Variants in GRHL2 observed in about 807,000 individuals in gnomAD.
The protein encoded by GRHL2 is grainyhead like transcription factor 2, also known as grainyhead-like protein 2 homolog.
Under a neutral mutation model 83.8 loss-of-function variants are expected in GRHL2, and 21 were observed. The ratio of observed to expected loss-of-function variants is 0.25; its 90% CI spans 0.18 to 0.36. GRHL2 has a LOEUF of 0.36. Ranked by LOEUF, GRHL2 falls within the 10% of genes least tolerant of loss-of-function variation. GRHL2 has a pLI of 1.00. For missense variants in GRHL2, 623 were observed against 781.8 expected, an observed-to-expected ratio of 0.80 and a Z score of 2.42; for synonymous variants, 280 against 278.9, an observed-to-expected ratio of 1.00 and a Z score of -0.04.
downstream of GRHL2, among the ~76,000 whole-genome samples, chr8:101,674,030 C>A (rs954407503): frequency 7.3e-5 from 11 of 150,654 alleles, no homozygotes; most frequent in Non-Finnish European, 1.5e-4. Context: ...ACACAACATA[C>A]CAGAATCTCT....
At chr8:101,632,623 G>A (rs575494073) in intron 11 of GRHL2, among the ~76,000 whole-genome samples, 6 of 152,338 alleles carry the variant, frequency 3.9e-5, no homozygotes, top group Non-Finnish European at 7.3e-5. Context: ...AAGTGAGAAG[G>A]CTGATAACCT....
chr8:101,639,235 G>A (rs148908699), intron 12 of GRHL2, among the ~76,000 whole-genome samples: 2 of 152,314 alleles, frequency 1.3e-5, no homozygotes, highest in African/African-American at 4.8e-5. Flanking sequence ...GAGGCCCAAG[G>A]TCTGCATCTT....
chr8:101,558,930 G>T, intron 4 of GRHL2, 118 bp downstream of exon 4: 1 of 1,145,150 alleles, frequency 8.7e-7, no homozygotes, highest in Non-Finnish European at 1.3e-6. Context: ...GCTTCAATTA[G>T]TTTTTTAAAA....
intron 5 of GRHL2, among the ~76,000 whole-genome samples, chr8:101,572,104 G>A (rs547386133): frequency 1.8e-4 from 28 of 152,250 alleles, no homozygotes; most frequent in Non-Finnish European, 3.2e-4. Flanking sequence ...ATTAAAAATC[G>A]TTTATGTTCA....
At chr8:101,533,523 TAGCGGAGGTAGACACACAAGGA>T (rs1164616133) in intron 1 of GRHL2, among the ~76,000 whole-genome samples, 1 of 152,214 alleles carries the variant, frequency 6.6e-6, no homozygotes, top group Non-Finnish European at 1.5e-5. Flanking sequence ...ACTTAGGTTC[TAGCGGAGGTAGACACACAAGGA>T]ACATTGACCA....
At chr8:101,652,267 CATATTAT>C (rs1224367468) in intron 14 of GRHL2, among the ~76,000 whole-genome samples, 4 of 150,652 alleles carry the variant, frequency 2.7e-5, no homozygotes, top group Non-Finnish European at 5.9e-5. Context: ...CACAATATGA[CATATTAT>C]ATATCTATAT....
intron 2 of GRHL2, among the ~76,000 whole-genome samples, chr8:101,544,603 G>A (rs898693570): frequency 6.6e-6 from 1 of 152,100 alleles, no homozygotes. Flanking sequence ...AACACCTTTG[G>A]CTGATGCTGG....
chr8:101,638,085 T>A (rs573606414), intron 12 of GRHL2, among the ~76,000 whole-genome samples: 2 of 152,356 alleles, frequency 1.3e-5, no homozygotes, highest in Non-Finnish European at 2.9e-5. Flanking sequence ...TAGAACTACA[T>A]GCATTTTCAA....
downstream of GRHL2, among the ~76,000 whole-genome samples, chr8:101,671,098 C>T (rs1490065068): frequency 1.3e-5 from 2 of 152,200 alleles, no homozygotes; most frequent in Non-Finnish European, 2.9e-5. Context: ...ATGAGCAATG[C>T]AGACGACGGT....
chr8:101,605,682 A>G (rs1812619067), intron 8 of GRHL2, among the ~76,000 whole-genome samples: 2 of 152,204 alleles, frequency 1.3e-5, no homozygotes, highest in Non-Finnish European at 2.9e-5. Flanking sequence ...TCACCTGTCC[A>G]TATCGTGCAT....
At chr8:101,514,207 T>C (rs1385671167) in intron 1 of GRHL2, among the ~76,000 whole-genome samples, 1 of 152,208 alleles carries the variant, frequency 6.6e-6, no homozygotes, top group African/African-American at 2.4e-5. Context: ...CTTTTATGAA[T>C]ACTTGGCTAG....
intron 7 of GRHL2, among the ~76,000 whole-genome samples, chr8:101,581,861 A>G (rs1450439614): frequency 6.6e-6 from 1 of 152,206 alleles, no homozygotes; most frequent in Non-Finnish European, 1.5e-5. Context: ...AAGGATAACT[A>G]GGGCATGTGA....
intron 1 of GRHL2, among the ~76,000 whole-genome samples, chr8:101,505,341 G>A (rs1229251201): frequency 6.6e-6 from 1 of 152,142 alleles, no homozygotes; most frequent in Non-Finnish European, 1.5e-5. Flanking sequence ...ACTTAGGGAG[G>A]CCGAGGCGGG....
intron 1 of GRHL2, among the ~76,000 whole-genome samples, chr8:101,520,627 A>G (rs566242231): frequency 6.6e-6 from 1 of 152,260 alleles, no homozygotes; most frequent in East Asian, 1.9e-4. Context: ...AAAGAGTTTG[A>G]TCAAGATGTT....
intron 1 of GRHL2, among the ~76,000 whole-genome samples, chr8:101,519,184 GA>G (rs1320870276): frequency 6.6e-6 from 1 of 150,814 alleles, no homozygotes; most frequent in African/African-American, 2.4e-5. Context: ...TTTCTTCATT[GA>G]TTTTTTTTTT....
chr8:101,662,768 AAAGT>A (rs1813948601), intron 14 of GRHL2, among the ~76,000 whole-genome samples: 1 of 152,168 alleles, frequency 6.6e-6, no homozygotes, highest in Admixed American at 6.5e-5. Flanking sequence ...TTCAAAATAA[AAAGT>A]AAAAGGATCT....
intron 7 of GRHL2, among the ~76,000 whole-genome samples, chr8:101,597,093 G>A (rs1812406670): frequency 6.6e-6 from 1 of 152,160 alleles, no homozygotes; most frequent in Non-Finnish European, 1.5e-5. Context: ...AAAGTAGAGA[G>A]AAAAAGGGAA....
chr8:101,508,812 ACCAAGCTAAATGCAGAGACC>A (rs1810391106), intron 1 of GRHL2, among the ~76,000 whole-genome samples: 1 of 152,194 alleles, frequency 6.6e-6, no homozygotes, highest in Admixed American at 6.5e-5. Flanking sequence ...AAAGCTGGGC[ACCAAGCTAAATGCAGAGACC>A]CCAAAGATGA....
rs763340381 is a variant in GRHL2 at position 101,570,429 on chromosome 8, T to C, written c.734+35T>C. Reference sequence around the variant, plus strand: ...CAGGAGATGCATCCTTAGAAACTGATTAACTGATAAACCTTTAAATGTACC... The same window carrying C: ...CAGGAGATGCATCCTTAGAAACTGACTAACTGATAAACCTTTAAATGTACC... On this transcript the variant is annotated intron_variant, in intron 5 of 15. Coordinates refer to ENST00000646743, the MANE Select transcript of GRHL2 (RefSeq NM_024915.4). 3.4e-5 allele frequency: 52 copies of C among 1,520,374 alleles called. 1 individual carries two copies. The Middle Eastern group carries it at 1.4e-3, about 40-fold the overall frequency. 94.2% of individuals were successfully genotyped at this position (1,520,374 alleles called of 1,614,324 possible).
Sources: allele counts gnomAD v4.1 joint callset (sites outside exome capture counted in the v4.1 genomes callset), GRCh38; gene constraint gnomAD v4.1.1; transcripts MANE v1.5; gene names NCBI Gene and HGNC (gene_info 2026-07-23, HGNC 2026-07-21).